Variants in CFAP206 observed in about 807,000 individuals in gnomAD.
CFAP206 encodes cilia- and flagella-associated protein 206.
A neutral mutation model predicts 65.4 loss-of-function variants in CFAP206; 53 were observed. That is an observed-to-expected ratio of 0.81 (90% CI 0.65 to 1.02). CFAP206 has a LOEUF of 1.02. Among genes scored for constraint, CFAP206 ranks in the 50% least tolerant of loss-of-function variants. The probability of loss-of-function intolerance (pLI) is 0.00; values close to 1 mark genes in which losing one functional copy is unlikely to be tolerated. For synonymous variants in CFAP206, 250 were observed against 254.4 expected, an observed-to-expected ratio of 0.98 and a Z score of 0.17; for missense variants, 663 against 753.2, an observed-to-expected ratio of 0.88 and a Z score of 1.40.
At chr6:87,418,534 A>G (rs748926363) in intron 7 of CFAP206, 118 bp downstream of exon 7, 86 of 788,030 alleles carry the variant, frequency 1.1e-4, no homozygotes, top group East Asian at 3.1e-4. Context: ...TGCTCGGTTT[A>G]TATTGCTTTG....
At chr6:87,413,321 G>A (rs891337845) in intron 3 of CFAP206, among the ~76,000 whole-genome samples, 1 of 152,144 alleles carries the variant, frequency 6.6e-6, no homozygotes, top group African/African-American at 2.4e-5. Context: ...ATCATGTCTT[G>A]TGGCAACATG....
At position 87,416,819 on chromosome 6, in the gene CFAP206, T is replaced by G. The variant is rs1254056718; in HGVS notation, c.623T>G (p.Ile208Ser). Residue 208 changes from isoleucine (I) to serine (S), a missense_variant, in exon 6 of 13, where the codon ATT (isoleucine) becomes AGT (serine). By Grantham distance (142) the Ile-to-Ser change is moderately radical (BLOSUM62 -2). Coordinates refer to ENST00000369562, the MANE Select transcript of CFAP206 (RefSeq NM_001031743.3). ...NRDCGKGGEG[I>S]DDLPAVLHVA... ...GACTGTGGAAAAGGAGGAGAAGGCA[T>G]TGATGATTGTAGGTATATCATTAGA... The G allele has an allele frequency of 2.5e-6, 4 of 1,613,326 alleles. No homozygotes were observed. Among genetic ancestry groups the G allele is most frequent in the African/African-American group, 1.3e-5 (1 of 75,026 alleles).
At chr6:87,446,704 T>A (rs540045341) in intron 11 of CFAP206, among the ~76,000 whole-genome samples, 2 of 152,318 alleles carry the variant, frequency 1.3e-5, no homozygotes, top group Admixed American at 6.5e-5. Context: ...ATATGAATTT[T>A]AAAGTAGTTT....
At chr6:87,460,706 A>G (rs894340233) in intron 11 of CFAP206, among the ~76,000 whole-genome samples, 15 of 152,066 alleles carry the variant, frequency 9.9e-5, no homozygotes, top group African/African-American at 3.4e-4. Context: ...GATGGGTTCA[A>G]TCCTGCCTCG....
chr6:87,459,816 A>T (rs1266321226), intron 11 of CFAP206, among the ~76,000 whole-genome samples: 1 of 152,208 alleles, frequency 6.6e-6, no homozygotes, highest in African/African-American at 2.4e-5. Flanking sequence ...TTGTATGTGG[A>T]TAATGCCTCG....
At chr6:87,452,945 C>A (rs977073483) in intron 11 of CFAP206, among the ~76,000 whole-genome samples, 3 of 151,870 alleles carry the variant, frequency 2.0e-5, no homozygotes, top group Non-Finnish European at 4.4e-5. Flanking sequence ...ATTTCCCAAA[C>A]CTAGAGAAAA....
At chr6:87,457,288 G>A (rs965835361) in intron 11 of CFAP206, among the ~76,000 whole-genome samples, 2 of 151,928 alleles carry the variant, frequency 1.3e-5, no homozygotes, top group African/African-American at 2.4e-5. Flanking sequence ...AAATACCAAT[G>A]ACATTCTGTA....
At chr6:87,452,708 C>G (rs1768566531) in intron 11 of CFAP206, among the ~76,000 whole-genome samples, 1 of 151,938 alleles carries the variant, frequency 6.6e-6, no homozygotes, top group Non-Finnish European at 1.5e-5. Flanking sequence ...ATCAAAGTCT[C>G]TCAATAAATA....
chr6:87,410,053 G>A, intron 2 of CFAP206, 106 bp downstream of exon 2: 1 of 781,910 alleles, frequency 1.3e-6, no homozygotes. Flanking sequence ...ATGTTTTTCA[G>A]TTGAAGCATA....
intron 11 of CFAP206, among the ~76,000 whole-genome samples, chr6:87,458,718 A>G (rs770536538): frequency 4.6e-4 from 70 of 152,124 alleles, no homozygotes; most frequent in Admixed American, 1.1e-3. Flanking sequence ...AAATATAGTT[A>G]AATAAAAGGC....
intron 7 of CFAP206, among the ~76,000 whole-genome samples, chr6:87,422,753 A>AC (rs1186525856): frequency 7.2e-6 from 1 of 138,070 alleles, no homozygotes; most frequent in Non-Finnish European, 1.6e-5. Context: ...TCTGTCTCAA[A>AC]AAAAAAAAAA....
At chr6:87,419,661 G>A (rs1018856703) in intron 7 of CFAP206, among the ~76,000 whole-genome samples, 3 of 152,204 alleles carry the variant, frequency 2.0e-5, no homozygotes, top group African/African-American at 7.2e-5. Flanking sequence ...AGAATAGGAT[G>A]TATTCTGACC....
At chr6:87,415,922 A>G in intron 5 of CFAP206, 48 bp downstream of exon 5, 1 of 1,267,100 alleles carries the variant, frequency 7.9e-7, no homozygotes, top group Non-Finnish European at 1.0e-6. Flanking sequence ...ATATATGGTC[A>G]TTGTATTTTA....
intron 10 of CFAP206, 21 bp from the exon 11 acceptor site, chr6:87,434,839 T>A: frequency 8.2e-7 from 1 of 1,221,560 alleles, no homozygotes. Flanking sequence ...ATTTCATATC[T>A]AATTCTTTTT....
chr6:87,410,174 A>G (rs947720099), intron 2 of CFAP206, among the ~76,000 whole-genome samples: 17 of 152,236 alleles, frequency 1.1e-4, no homozygotes, highest in Non-Finnish European at 2.2e-4. Flanking sequence ...GGAAACATCA[A>G]TAATGTTCTC....
chr6:87,431,195 T>A (rs780711241), intron 10 of CFAP206, 22 bp downstream of exon 10: 40 of 1,598,620 alleles, frequency 2.5e-5, no homozygotes, highest in Non-Finnish European at 3.1e-5. Context: ...GAAATGAGAC[T>A]GCTCTCCTTT....
intron 11 of CFAP206, among the ~76,000 whole-genome samples, chr6:87,453,729 C>G (rs942535168): frequency 6.6e-6 from 1 of 151,804 alleles, no homozygotes; most frequent in African/African-American, 2.4e-5. Flanking sequence ...AATTTAAAAA[C>G]CTACAATAGA....
chr6:87,446,933 G>A (rs1230761986), intron 11 of CFAP206, among the ~76,000 whole-genome samples: 2 of 152,008 alleles, frequency 1.3e-5, no homozygotes, highest in Non-Finnish European at 2.9e-5. Context: ...GTATTTCCAG[G>A]TATTTTATTC....
At chr6:87,413,513 A>G (rs1327406411) in intron 3 of CFAP206, among the ~76,000 whole-genome samples, 1 of 152,154 alleles carries the variant, frequency 6.6e-6, no homozygotes, top group African/African-American at 2.4e-5. Context: ...AATGGGTACA[A>G]TGTCCACTAT....
Sources: allele counts gnomAD v4.1 joint callset (sites outside exome capture counted in the v4.1 genomes callset), GRCh38; gene constraint gnomAD v4.1.1; transcripts MANE v1.5; gene names NCBI Gene and HGNC (gene_info 2026-07-23, HGNC 2026-07-21).